Variants in PRKCA observed in about 807,000 individuals in gnomAD.
PRKCA encodes protein kinase C alpha type.
PRKCA carries 27 observed loss-of-function variants against 87.0 expected under a neutral mutation model. That is an observed-to-expected ratio of 0.31 (90% confidence interval 0.23 to 0.43). The LOEUF is 0.43. Ranked by LOEUF, PRKCA falls within the 20% of genes least tolerant of loss-of-function variation. PRKCA has a pLI of 1.00. For synonymous variants in PRKCA, 329 were observed against 311.1 expected (o/e 1.06, Z -0.61); for missense variants, 518 against 852.3 (o/e 0.61, Z 4.88).
At chr17:66,646,152 A>T (rs1971447982) in intron 5 of PRKCA, among the ~76,000 whole-genome samples, 1 of 152,182 alleles carries the variant, frequency 6.6e-6, no homozygotes, top group Non-Finnish European at 1.5e-5. Context: ...GACTCCAGAT[A>T]CTGTGCTTAT....
chr17:66,745,133 T>C (rs1974243270), intron 13 of PRKCA, among the ~76,000 whole-genome samples: 1 of 152,174 alleles, frequency 6.6e-6, no homozygotes, highest in Admixed American at 6.5e-5. Context: ...TGGACATCTG[T>C]TGGGGAGAGG....
At chr17:66,545,322 A>G (rs1293810694) in intron 3 of PRKCA, among the ~76,000 whole-genome samples, 3 of 152,158 alleles carry the variant, frequency 2.0e-5, no homozygotes, top group Non-Finnish European at 4.4e-5. Flanking sequence ...CCAGCTACTC[A>G]GGAGGCTGAG....
intron 3 of PRKCA, among the ~76,000 whole-genome samples, chr17:66,595,560 C>T (rs1007624583): frequency 3.3e-5 from 5 of 150,550 alleles, no homozygotes; most frequent in Non-Finnish European, 7.4e-5. Flanking sequence ...CCCAGGTTCA[C>T]GCTATTCTCC....
chr17:66,605,905 T>C (rs1297459910), intron 3 of PRKCA, among the ~76,000 whole-genome samples: 1 of 151,872 alleles, frequency 6.6e-6, no homozygotes, highest in Non-Finnish European at 1.5e-5. Context: ...AGTAGGTTAG[T>C]GGTTACCTAG....
chr17:66,395,017 C>T (rs9899723), intron 2 of PRKCA, among the ~76,000 whole-genome samples: 6,681 of 152,258 alleles, frequency 0.044, 334 homozygotes, highest in African/African-American at 0.12. Context: ...AGCATTATTT[C>T]AATATGGGTT....
intron 2 of PRKCA, among the ~76,000 whole-genome samples, chr17:66,427,755 G>T (rs1028497101): frequency 5.9e-5 from 9 of 152,198 alleles, no homozygotes; most frequent in African/African-American, 2.2e-4. Context: ...TTTCAATGTG[G>T]TGGTGAAAAG....
At chr17:66,305,054 C>T (rs1904739013) in intron 1 of PRKCA, among the ~76,000 whole-genome samples, 1 of 152,110 alleles carries the variant, frequency 6.6e-6, no homozygotes, top group African/African-American at 2.4e-5. Flanking sequence ...AGGTCACCAC[C>T]AGTATTGTGA....
At chr17:66,401,665 T>C (rs1238183140) in intron 2 of PRKCA, among the ~76,000 whole-genome samples, 1 of 152,032 alleles carries the variant, frequency 6.6e-6, no homozygotes, top group Non-Finnish European at 1.5e-5. Flanking sequence ...GCAGTGGTAG[T>C]AAGAATGAGG....
chr17:66,338,796 G>T (rs543890107), intron 2 of PRKCA, among the ~76,000 whole-genome samples: 1 of 152,312 alleles, frequency 6.6e-6, no homozygotes, highest in East Asian at 1.9e-4. Context: ...CCTGGCAGGA[G>T]TTTCATACAG....
intron 2 of PRKCA, among the ~76,000 whole-genome samples, chr17:66,456,300 A>G (rs1914572153): frequency 6.6e-6 from 1 of 152,194 alleles, no homozygotes; most frequent in Admixed American, 6.5e-5. Context: ...ACCCTAGGAA[A>G]TGAATAAACT....
Position 66,500,131 on chromosome 17 carries a change from A to C in PRKCA, c.288+3848A>C, listed in dbSNP as rs190049021. ...TTTAGCCCTTCTGTCATGTGAGTACACAGCAAAAAGGCACCATCCAGGAAG... is the reference window on the plus strand; with the variant it reads ...TTTAGCCCTTCTGTCATGTGAGTACCCAGCAAAAAGGCACCATCCAGGAAG... On this transcript the variant is annotated intron_variant, in intron 3 of 16. Transcript: ENST00000413366. Among the ~76,000 whole-genome samples the C allele has an allele frequency of 6.4e-3, 973 of 152,290 alleles. 31 individuals carry two copies. The highest frequency in any genetic ancestry group is 0.055 in the Admixed American group (844 of 15,292).
chr17:66,435,962 G>A (rs1404519145), intron 2 of PRKCA, among the ~76,000 whole-genome samples: 1 of 152,160 alleles, frequency 6.6e-6, no homozygotes, highest in African/African-American at 2.4e-5. Flanking sequence ...TACAGGATAA[G>A]GAAAGTAGCT....
intron 5 of PRKCA, among the ~76,000 whole-genome samples, chr17:66,660,782 G>A (rs146159315): frequency 0.034 from 5,124 of 151,984 alleles, 109 homozygotes; most frequent in Non-Finnish European, 0.049. Flanking sequence ...GGTGGCGGGC[G>A]CCTGTAGTCC....
At chr17:66,739,835 G>A (rs1253772077) in intron 11 of PRKCA, among the ~76,000 whole-genome samples, 3 of 152,116 alleles carry the variant, frequency 2.0e-5, no homozygotes, top group African/African-American at 7.2e-5. Flanking sequence ...CTGTGGAGGA[G>A]GGAAGAGGGA....
At chr17:66,666,222 G>A (rs558269755) in intron 5 of PRKCA, among the ~76,000 whole-genome samples, 2 of 152,176 alleles carry the variant, frequency 1.3e-5, no homozygotes, top group Admixed American at 1.3e-4. Context: ...AAACCTGAGG[G>A]GACTCAGAAT....
intron 5 of PRKCA, among the ~76,000 whole-genome samples, chr17:66,674,116 T>C (rs963201040): frequency 6.6e-6 from 1 of 152,224 alleles, no homozygotes; most frequent in Non-Finnish European, 1.5e-5. Context: ...TTATCTTGTC[T>C]GTCCTGTGTT....
chr17:66,342,716 T>C (rs1256383434), intron 2 of PRKCA, among the ~76,000 whole-genome samples: 1 of 152,148 alleles, frequency 6.6e-6, no homozygotes, highest in African/African-American at 2.4e-5. Context: ...TAGATTTAAC[T>C]GATTCTGTCT....
intron 2 of PRKCA, among the ~76,000 whole-genome samples, chr17:66,404,430 C>G (rs1289029213): frequency 6.6e-6 from 1 of 152,126 alleles, no homozygotes; most frequent in Non-Finnish European, 1.5e-5. Context: ...ATTACGCTGC[C>G]CAAAGTGCCA....
chr17:66,485,039 C>A (rs893761331), intron 2 of PRKCA, among the ~76,000 whole-genome samples: 2 of 152,098 alleles, frequency 1.3e-5, no homozygotes, highest in African/African-American at 4.8e-5. Flanking sequence ...GTGAGAGACA[C>A]CAGCTCCTTT....
Sources: allele counts gnomAD v4.1 joint callset (sites outside exome capture counted in the v4.1 genomes callset), GRCh38; gene constraint gnomAD v4.1.1; transcripts MANE v1.5; gene names NCBI Gene and HGNC (gene_info 2026-07-23, HGNC 2026-07-21).